Variants in METTL15 observed in about 807,000 individuals in gnomAD.
METTL15 encodes methyltransferase 15, mitochondrial 12S rRNA N4-cytidine.
Under a neutral mutation model 38.3 loss-of-function variants are expected in METTL15, and 34 were observed. That is an observed-to-expected ratio of 0.89 (90% CI 0.68 to 1.18). The LOEUF is 1.18. Among genes scored for constraint, METTL15 ranks in the 50% most tolerant of loss-of-function variants. The pLI is 0.00. For missense variants in METTL15, 438 were observed against 498.4 expected (o/e 0.88, Z 1.15); for synonymous variants, 162 against 170.9 (o/e 0.95, Z 0.41).
At chr11:28,205,032 T>TTATTTGTTCCTGTGCA (rs1366409713) in intron 3 of METTL15, among the ~76,000 whole-genome samples, 1 of 151,962 alleles carries the variant, frequency 6.6e-6, no homozygotes, top group African/African-American at 2.4e-5. Flanking sequence ...ACATTCAGAT[T>TTATTTGTTCCTGTGCA]TATTTGTTCC....
At chr11:28,398,678 T>C (rs2133401888) in intron 5 of METTL15, 1 of 152,272 alleles carries the variant, frequency 6.6e-6, no homozygotes, top group Non-Finnish European at 1.5e-5. Context: ...TTAGTTTAAT[T>C]AGCTCCCATT....
chr11:28,267,886 A>C (rs533362121), intron 4 of METTL15, among the ~76,000 whole-genome samples: 35 of 152,384 alleles, frequency 2.3e-4, no homozygotes, highest in African/African-American at 7.9e-4. Context: ...ACACTTTTAT[A>C]TAAATGTCTA....
chr11:28,163,352 T>G (rs1850538092), intron 3 of METTL15: 2 of 398,152 alleles, frequency 5.0e-6, no homozygotes, highest in Non-Finnish European at 8.9e-6. Context: ...TTCATGGTCT[T>G]TTTCCCATGT....
intron 6 of METTL15, among the ~76,000 whole-genome samples, chr11:28,511,887 T>C (rs1346411626): frequency 3.3e-5 from 5 of 152,282 alleles, no homozygotes; most frequent in East Asian, 1.9e-4. Context: ...CCCACCCACA[T>C]CCTGCTGATT....
chr11:28,309,664 C>T (rs970899020), intron 6 of METTL15, among the ~76,000 whole-genome samples: 3 of 152,080 alleles, frequency 2.0e-5, no homozygotes, highest in East Asian at 1.9e-4. Flanking sequence ...AACTTTTTCT[C>T]TCTGGTTCTC....
At chr11:28,318,508 G>A (rs1444515077) in intron 6 of METTL15, among the ~76,000 whole-genome samples, 1 of 152,106 alleles carries the variant, frequency 6.6e-6, no homozygotes, top group East Asian at 1.9e-4. Context: ...AGAACAAGAA[G>A]CACTATTCTT....
intron 3 of METTL15, among the ~76,000 whole-genome samples, chr11:28,160,796 A>G (rs1021607700): frequency 1.3e-5 from 2 of 152,132 alleles, no homozygotes; most frequent in Admixed American, 6.6e-5. Flanking sequence ...CCATAATAAT[A>G]AAATAAACAA....
intron 4 of METTL15, among the ~76,000 whole-genome samples, chr11:28,266,287 T>C (rs1296016621): frequency 3.3e-5 from 5 of 152,076 alleles, no homozygotes; most frequent in African/African-American, 1.2e-4. Context: ...CTATTCACAA[T>C]AGCAAAGACT....
At chr11:28,337,317 G>C (rs564227126), downstream of METTL15, among the ~76,000 whole-genome samples, 1 of 152,030 alleles carries the variant, frequency 6.6e-6, no homozygotes, top group East Asian at 1.9e-4. Flanking sequence ...AGGCTGGAGT[G>C]CAGTGATGGG....
chr11:28,427,622 G>A (rs139044434), intron 6 of METTL15, among the ~76,000 whole-genome samples: 1 of 152,250 alleles, frequency 6.6e-6, no homozygotes, highest in Non-Finnish European at 1.5e-5. Context: ...GCAGTGGTTT[G>A]TAGTTCTTCT....
chr11:28,477,488 G>GTATTTGTTGTAAGGA (rs1246983290), intron 6 of METTL15: 1 of 152,128 alleles, frequency 6.6e-6, no homozygotes, highest in East Asian at 1.9e-4. Context: ...ATCTGGCAAA[G>GTATTTGTTGTAAGGA]TATTTGTTGT....
intron 6 of METTL15, among the ~76,000 whole-genome samples, chr11:28,511,083 G>T (rs1590399338): frequency 3.9e-5 from 6 of 152,234 alleles, no homozygotes; most frequent in Admixed American, 3.9e-4. Flanking sequence ...TATTTTAAAA[G>T]TACTGGGAAA....
chr11:28,481,389 G>T (rs1851394107), intron 6 of METTL15, among the ~76,000 whole-genome samples: 1 of 152,168 alleles, frequency 6.6e-6, no homozygotes, highest in Non-Finnish European at 1.5e-5. Context: ...TTGTCCTTCT[G>T]CAGGGACTTT....
chr11:28,278,830 T>G (rs1855939345), intron 4 of METTL15, among the ~76,000 whole-genome samples: 1 of 152,078 alleles, frequency 6.6e-6, no homozygotes, highest in Non-Finnish European at 1.5e-5. Flanking sequence ...GCCTTTAAGT[T>G]TGTTGTTGTT....
chr11:28,375,854 C>G (rs1452305245), intron 5 of METTL15, among the ~76,000 whole-genome samples: 10 of 151,590 alleles, frequency 6.6e-5, no homozygotes, highest in African/African-American at 2.4e-4. Context: ...CCCAGAGATT[C>G]TGGTATGTTG....
intron 4 of METTL15, among the ~76,000 whole-genome samples, chr11:28,216,146 T>C (rs781200826): frequency 6.6e-6 from 1 of 152,146 alleles, no homozygotes; most frequent in Non-Finnish European, 1.5e-5. Context: ...TTGGATGATG[T>C]GCTCCTTAGT....
intron 4 of METTL15, among the ~76,000 whole-genome samples, chr11:28,230,804 C>T (rs1228749573): frequency 6.6e-6 from 1 of 151,650 alleles, no homozygotes; most frequent in Non-Finnish European, 1.5e-5. Context: ...TATTTTATTC[C>T]TTTTTTCCTG....
At chr11:28,327,517 G>A (rs1413297613) in intron 6 of METTL15, 1 of 152,394 alleles carries the variant, frequency 6.6e-6, no homozygotes, top group Non-Finnish European at 1.5e-5. Context: ...ATATAAACTT[G>A]AAATTCTATA....
intron 6 of METTL15, among the ~76,000 whole-genome samples, chr11:28,479,321 G>A (rs895221304): frequency 6.6e-6 from 1 of 152,178 alleles, no homozygotes; most frequent in South Asian, 2.1e-4. Flanking sequence ...TGTAGGACAA[G>A]TTGAGGAAGA....
Sources: gnomAD v4.1 joint callset for allele counts (sites outside exome capture counted in the v4.1 genomes callset) on GRCh38, gnomAD v4.1.1 for gene constraint, MANE v1.5 for transcripts, NCBI Gene and HGNC (gene_info 2026-07-23, HGNC 2026-07-21) for gene names.